The following DNAJB13 variants were observed in gnomAD, a reference collection of about 807,000 sequenced individuals.
The protein encoded by DNAJB13 is dnaJ homolog subfamily B member 13.
In DNAJB13, 22 loss-of-function variants were observed where a neutral mutation model predicts 35.6. The observed-to-expected ratio is 0.62, with a 90% confidence interval of 0.44 to 0.88. DNAJB13 has a LOEUF of 0.88. Ranked by LOEUF, DNAJB13 falls within the 40% of genes least tolerant of loss-of-function variation. The pLI, the probability that DNAJB13 is intolerant of heterozygous loss-of-function variation, is 0.00. For missense variants in DNAJB13, 370 were observed against 384.3 expected (o/e 0.96, Z 0.31); for synonymous variants, 136 against 144.2 (o/e 0.94, Z 0.41).
At position 73,953,051 on chromosome 11, in the gene DNAJB13, C is replaced by T. The variant is rs184105480; in HGVS notation, c.68+1914C>T. Among the ~76,000 whole-genome samples the T allele has an allele frequency of 1.3e-3, 202 of 152,220 alleles. 1 individual carries two copies. The highest frequency in any genetic ancestry group is 4.5e-3 in the African/African-American group (188 of 41,510). ...GGGCAGCCTGGGCATCATAGGGAGA[C>T]CCTGTCTCTACAGAAAATTTAAAAA... is the stretch of plus-strand genomic sequence containing the variant. On this transcript the variant is annotated intron_variant, in intron 1 of 7. Transcript: ENST00000339764.
At chr11:73,960,062 C>T (rs935218127) in intron 3 of DNAJB13, among the ~76,000 whole-genome samples, 4 of 152,264 alleles carry the variant, frequency 2.6e-5, no homozygotes, top group African/African-American at 4.8e-5. Context: ...GCCACCGTGC[C>T]CGGCCTATTT....
In DNAJB13 at chr11:73,966,204, G is replaced by A. The variant is rs759748101; in HGVS notation, c.559G>A (p.Gly187Ser). 1.2e-5 allele frequency: 20 copies of A among 1,613,692 alleles called. No homozygotes were observed. Among genetic ancestry groups the A allele is most frequent in the South Asian group, 4.4e-5 (4 of 90,910 alleles). ...DKILTIDVKPGWRQGTRITFE... is the reference protein window; with the variant it reads ...DKILTIDVKPSWRQGTRITFE... ...GATCCTGACCATTGATGTGAAGCCC[G>A]GTTGGAGGCAGGGCACACGCATCAC... Residue 187 changes from glycine (G) to serine (S), a missense_variant, in exon 5 of 8, where the codon GGT becomes AGT. Gly to Ser is a moderately conservative substitution (Grantham distance 56). Coordinates refer to ENST00000339764, the MANE Select transcript of DNAJB13 (RefSeq NM_153614.4).
At chr11:73,957,252 C>T (rs933086169) in intron 1 of DNAJB13, among the ~76,000 whole-genome samples, 8 of 152,212 alleles carry the variant, frequency 5.3e-5, no homozygotes, top group African/African-American at 1.7e-4. Context: ...CAGTTCTCCT[C>T]CTATGGGGTC....
At chr11:73,966,783 A>G (rs1189915864) in intron 5 of DNAJB13, among the ~76,000 whole-genome samples, 2 of 151,104 alleles carry the variant, frequency 1.3e-5, no homozygotes, top group Non-Finnish European at 2.9e-5. Flanking sequence ...GATTCAAGCA[A>G]TTATCCTGCC....
intron 1 of DNAJB13, among the ~76,000 whole-genome samples, chr11:73,952,073 T>A (rs1295189754): frequency 6.6e-6 from 1 of 152,274 alleles, no homozygotes; most frequent in Non-Finnish European, 1.5e-5. Context: ...GACACTCCCT[T>A]ACCTCATGCA....
intron 1 of DNAJB13, among the ~76,000 whole-genome samples, chr11:73,957,970 C>T (rs568279811): frequency 9.3e-5 from 14 of 151,268 alleles, no homozygotes; most frequent in Non-Finnish European, 1.8e-4. Flanking sequence ...CTCAGCCAGC[C>T]TCTGGGGAGC....
At position 73,968,446 on chromosome 11, in the gene DNAJB13, C is replaced by A; in HGVS notation, c.708C>A (p.Ile236=). 6.2e-7 allele frequency: 1 copy of A among 1,613,888 alleles called. No individual in the cohort carries two copies. Among genetic ancestry groups the A allele is most frequent in the Non-Finnish European group, 8.5e-7 (1 of 1,179,846 alleles). ...ENDNLFFVNP[I]PLGKALTCCT... ...ACAACCTCTTCTTCGTGAACCCCAT[C>A]CCTCTTGGCAAGGTGAGTGGGCAAA... The change falls in exon 6 of 8, where the codon ATC becomes ATA. Residue 236 remains isoleucine, a synonymous_variant. Transcript: ENST00000339764.
chr11:73,966,247 A>T lies in DNAJB13; in HGVS notation c.602A>T (p.Asp201Val). The T allele has an allele frequency of 2.5e-6, 4 of 1,611,968 alleles. No individual in the cohort carries two copies. The highest frequency in any genetic ancestry group is 3.4e-6 in the Non-Finnish European group (4 of 1,179,178). Reference sequence around the variant, plus strand: ...CGCATCACCTTTGAGAAGGAAGGGGACCAGGTGAGGGGGGAAGAAGCTGAC... The same window carrying T: ...CGCATCACCTTTGAGAAGGAAGGGGTCCAGGTGAGGGGGGAAGAAGCTGAC... ...GTRITFEKEG[D>V]QGPNIIPADI... Residue 201 changes from aspartate (D) to valine (V), a missense_variant, in exon 5 of 8, where the codon GAC (aspartate) becomes GTC (valine). Physicochemically the swap from Asp to Val is radical, Grantham distance 152. Transcript: ENST00000339764.
At chr11:73,964,671 G>T in intron 3 of DNAJB13, 1 of 593,252 alleles carries the variant, frequency 1.7e-6, no homozygotes. Flanking sequence ...GTTGAAGACA[G>T]CTCCTTGGCT....
Position 73,969,311 on chromosome 11 carries a change from T to C in DNAJB13, c.786T>C (p.Asn262=). The C allele has an allele frequency of 1.1e-6, 1 of 872,686 alleles. No individual in the cohort carries two copies. Among genetic ancestry groups the C allele is most frequent in the Non-Finnish European group, 2.0e-6 (1 of 501,514 alleles). The allele number at this position is 872,686 out of a possible 1,614,324, so 54.1% of individuals were successfully genotyped here. The change falls in exon 7 of 8, where the codon AAT becomes AAC. Residue 262 remains asparagine (N), a synonymous_variant. Coordinates refer to ENST00000339764, the MANE Select transcript of DNAJB13 (RefSeq NM_153614.4). ...LDDRLLNIPI[N]DIIHPKYFKK... Reference sequence around the variant, plus strand: ...ACCGTCTGCTCAACATCCCCATCAATGACATCATCCAGTGAGTCCATCTGC... The same window carrying C: ...ACCGTCTGCTCAACATCCCCATCAACGACATCATCCAGTGAGTCCATCTGC...
At chr11:73,958,182 C>T in intron 1 of DNAJB13, 135 bp from the exon 2 acceptor site, 1 of 828,206 alleles carries the variant, frequency 1.2e-6, no homozygotes, top group Non-Finnish European at 2.0e-6. Flanking sequence ...AGTGCACCTC[C>T]GCAGCCACCA....
chr11:73,968,806 C>T (rs1474509111), intron 6 of DNAJB13, among the ~76,000 whole-genome samples: 4 of 152,138 alleles, frequency 2.6e-5, no homozygotes, highest in African/African-American at 9.7e-5. Context: ...CCTTCCCCTG[C>T]ACTCCCGCCC....
chr11:73,954,118 A>T (rs2135276763), intron 1 of DNAJB13, among the ~76,000 whole-genome samples: 1 of 150,770 alleles, frequency 6.6e-6, no homozygotes, highest in African/African-American at 2.4e-5. Flanking sequence ...TGAGGTCAGG[A>T]GTTTGAGACC....
chr11:73,964,655 T>A lies in DNAJB13; in HGVS notation c.335-223T>A, dbSNP rs1951029874. On this transcript the variant is annotated intron_variant, in intron 3 of 7. Coordinates refer to ENST00000339764, the MANE Select transcript of DNAJB13 (RefSeq NM_153614.4). ...ATGGCAAAGGATGATAATCACTGCA[T>A]CTGCAGTTGAAGACAGCTCCTTGGC... is the stretch of plus-strand genomic sequence containing the variant. 1.1e-5 allele frequency: 6 copies of A among 554,054 alleles called. No individual in the cohort carries two copies. The South Asian group carries it at 1.2e-4, about 11-fold the overall frequency. The allele number at this position is 554,054 out of a possible 1,614,324, so 34.3% of individuals were successfully genotyped here.
intron 4 of DNAJB13, chr11:73,965,816 G>A: frequency 3.3e-6 from 1 of 307,032 alleles, no homozygotes; most frequent in Non-Finnish European, 6.2e-6. Context: ...GGCCAGGGCT[G>A]GAGCTGTGTG....
At chr11:73,957,108 C>A (rs1414590694) in intron 1 of DNAJB13, among the ~76,000 whole-genome samples, 2 of 152,166 alleles carry the variant, frequency 1.3e-5, no homozygotes, top group African/African-American at 4.8e-5. Context: ...CCCTCCAGAC[C>A]CACTCCCCAC....
intron 3 of DNAJB13, 37 bp downstream of exon 3, chr11:73,959,692 A>G (rs1189149606): frequency 1.9e-6 from 3 of 1,593,960 alleles, no homozygotes; most frequent in African/African-American, 1.3e-5. Flanking sequence ...CCTTATAGAG[A>G]AAGGACACTG....
intron 1 of DNAJB13, 54 bp from the exon 2 acceptor site, chr11:73,958,263 C>A (rs1296183149): frequency 1.9e-6 from 3 of 1,567,602 alleles, no homozygotes; most frequent in East Asian, 4.5e-5. Flanking sequence ...AACTCTGGTC[C>A]GCCCTCAGAA....
intron 3 of DNAJB13, chr11:73,964,607 A>T: frequency 2.4e-6 from 1 of 415,210 alleles, no homozygotes; most frequent in Non-Finnish European, 4.4e-6. Context: ...GGAATGTCCC[A>T]AGGGGAGGTG....
Sources: allele counts gnomAD v4.1 joint callset (sites outside exome capture counted in the v4.1 genomes callset), GRCh38; gene constraint gnomAD v4.1.1; transcripts MANE v1.5; gene names NCBI Gene and HGNC (gene_info 2026-07-23, HGNC 2026-07-21).